Variants in FSCN1 observed in about 807,000 individuals in gnomAD.
FSCN1 encodes the protein fascin actin-bundling protein 1.
Under a neutral mutation model 39.7 loss-of-function variants are expected in FSCN1, and 10 were observed. That is an observed-to-expected ratio of 0.25 (90% confidence interval 0.16 to 0.43). FSCN1 has a LOEUF of 0.43. Among genes scored for constraint, FSCN1 ranks in the 20% least tolerant of loss-of-function variants. FSCN1 has a pLI of 1.00. For missense variants in FSCN1, 525 were observed against 723.8 expected (o/e 0.73, Z 3.15); for synonymous variants, 322 against 320.0 (o/e 1.01, Z -0.07).
chr7:5,593,041 G>T lies in FSCN1; in HGVS notation c.105G>T (p.Ala35=). The T allele has an allele frequency of 6.2e-7, 1 of 1,600,272 alleles. No individual in the cohort carries two copies. Among genetic ancestry groups the T allele is most frequent in the Non-Finnish European group, 8.5e-7 (1 of 1,174,218 alleles). The change falls in exon 1 of 5, where the codon GCG becomes GCT. Residue 35 remains alanine, a synonymous_variant. Transcript: ENST00000382361. The part of the protein sequence containing the change: ...TAEAFGFKVN[A]SASSLKKKQI... ...AGGCGTTCGGGTTCAAGGTGAACGC[G>T]TCCGCCAGCAGCCTGAAGAAGAAGC... is the stretch of plus-strand genomic sequence containing the variant.
At position 5,593,247 on chromosome 7, in the gene FSCN1, A is replaced by G. The variant is rs1380472626; in HGVS notation, c.311A>G (p.Gln104Arg). 4 of 1,608,844 alleles carry G rather than the reference A, an allele frequency of 2.5e-6. No individual in the cohort carries two copies. The Admixed American group carries it at 5.0e-5, about 20-fold the overall frequency. Residue 104 changes from glutamine to arginine, a missense_variant, in exon 1 of 5, where the codon CAG (glutamine) becomes CGG (arginine). Physicochemically the swap from Gln to Arg is conservative, Grantham distance 43. Coordinates refer to ENST00000382361, the MANE Select transcript of FSCN1 (RefSeq NM_003088.4). Reference protein sequence around the residue: ...VAHDDGRWSLQSEAHRRYFGG... With the variant: ...VAHDDGRWSLRSEAHRRYFGG... ...CACGACGACGGTCGCTGGTCGCTGC[A>G]GTCCGAGGCGCACCGGCGCTACTTC...
chr7:5,596,016 G>A (rs2128548833), intron 1 of FSCN1, among the ~76,000 whole-genome samples: 1 of 151,756 alleles, frequency 6.6e-6, no homozygotes, highest in Middle Eastern at 3.4e-3. Context: ...AGTTGAAAGG[G>A]ATGTGGGACG....
In FSCN1 at chr7:5,592,916, G is replaced by T. The variant is rs1335673604; in HGVS notation, c.-21G>T. 7.0e-7 allele frequency: 1 copy of T among 1,431,958 alleles called. No individual in the cohort carries two copies. The highest frequency in any genetic ancestry group is 2.6e-5 in the East Asian group (1 of 38,914). 88.7% of individuals were successfully genotyped at this position (1,431,958 alleles called of 1,614,324 possible). On this transcript the variant is annotated 5_prime_UTR_variant, in exon 1 of 5. Coordinates refer to ENST00000382361, the MANE Select transcript of FSCN1 (RefSeq NM_003088.4). This position sits in a 1 kb window ranked among gnomAD's most constrained non-coding sequence, Gnocchi z 5.3. ...CACCCACCTCCCGGGGCCGCGCAGCGGCCTCTCGTCTACTGCCACCATGAC... is the reference window on the plus strand; with the variant it reads ...CACCCACCTCCCGGGGCCGCGCAGCTGCCTCTCGTCTACTGCCACCATGAC...
intron 4 of FSCN1, 65 bp downstream of exon 4, chr7:5,604,095 C>CA: frequency 6.8e-7 from 1 of 1,474,144 alleles, no homozygotes. Flanking sequence ...GTCAGTGCTG[C>CA]GGGGAGCGCC....
Position 5,603,727 on chromosome 7 carries a change from C to T in FSCN1, c.1111+110C>T. On this transcript the variant is annotated intron_variant, in intron 3 of 4. Transcript: ENST00000382361. This position sits in a 1 kb window ranked among gnomAD's most constrained non-coding sequence, Gnocchi z 8.5. ...AAGGCCTGCTCTGTGCTGGGCATCC[C>T]CCCGGACTGGCCCCGCACTGTCCTA... The T allele has an allele frequency of 1.3e-6, 2 of 1,536,124 alleles. No homozygotes were observed. Among genetic ancestry groups the T allele is most frequent in the African/African-American group, 1.4e-5 (1 of 73,230 alleles).
intron 1 of FSCN1, among the ~76,000 whole-genome samples, chr7:5,601,964 T>C (rs1372043082): frequency 2.0e-5 from 3 of 151,974 alleles, no homozygotes; most frequent in Non-Finnish European, 4.4e-5. Context: ...AATTTTTTTT[T>C]TTTTTTTGAG....
Position 5,593,620 on chromosome 7 carries a change from C to G in FSCN1, c.684C>G (p.Gly228=), listed in dbSNP as rs763252226. The G allele has an allele frequency of 4.2e-5, 66 of 1,562,694 alleles. No homozygotes were observed. The highest frequency in any genetic ancestry group is 5.3e-5 in the Non-Finnish European group (62 of 1,161,314). ...AGGTGGCCTTCCGCGACTGCGAGGGCCGTTACCTGGCGCCGTCGGGGCCCA... is the reference window on the plus strand; with the variant it reads ...AGGTGGCCTTCCGCGACTGCGAGGGGCGTTACCTGGCGCCGTCGGGGCCCA... ...SGKVAFRDCE[G]RYLAPSGPSG... Residue 228 remains glycine (G), a synonymous_variant, in exon 1 of 5, where the codon GGC becomes GGG. Transcript: ENST00000382361.
intron 1 of FSCN1, among the ~76,000 whole-genome samples, chr7:5,597,878 C>A (rs1212250237): frequency 1.3e-5 from 2 of 152,096 alleles, no homozygotes; most frequent in African/African-American, 4.8e-5. Context: ...ACAGGAGACT[C>A]TTAATCTCCT....
Position 5,603,744 on chromosome 7 carries a change from A to G in FSCN1, c.1112-119A>G. Reference sequence around the variant, plus strand: ...GGGCATCCCCCCGGACTGGCCCCGCACTGTCCTACCCTGGGGACTGCTGTG... The same window carrying G: ...GGGCATCCCCCCGGACTGGCCCCGCGCTGTCCTACCCTGGGGACTGCTGTG... On this transcript the variant is annotated intron_variant, in intron 3 of 4. Transcript: ENST00000382361. The surrounding 1 kb of genome is among the most constrained non-coding windows in gnomAD (Gnocchi z 8.5). 6.7e-7 allele frequency: 1 copy of G among 1,501,280 alleles called. No homozygotes were observed. The highest frequency in any genetic ancestry group is 9.1e-7 in the Non-Finnish European group (1 of 1,096,990). The allele number at this position is 1,501,280 out of a possible 1,614,324, so 93.0% of individuals were successfully genotyped here. A position where few individuals can be genotyped will look rare whatever the true frequency, so the allele number is the denominator to read the frequency against.
rs994874317 is a variant in FSCN1, at chr7:5,592,871, G to T, written c.-66G>T. 3 of 978,824 alleles carry T rather than the reference G, an allele frequency of 3.1e-6. No homozygotes were observed. The highest frequency in any genetic ancestry group is 4.4e-6 in the Non-Finnish European group (3 of 675,382). The allele number at this position is 978,824 out of a possible 1,614,324, so 60.6% of individuals were successfully genotyped here. A position where few individuals can be genotyped will look rare whatever the true frequency, so the allele number is the denominator to read the frequency against. ...GCGGCAGCCGAACAAAGGAGCAGGG[G>T]CGCCGCCGCAGGGACCCGCCACCCA... is the stretch of plus-strand genomic sequence containing the variant. On this transcript the variant is annotated 5_prime_UTR_variant, in exon 1 of 5. Coordinates refer to ENST00000382361, the MANE Select transcript of FSCN1 (RefSeq NM_003088.4). The surrounding 1 kb of genome is among the most constrained non-coding windows in gnomAD (Gnocchi z 5.3).
rs1332339179 is a variant in FSCN1, at chr7:5,599,120, A to T, written c.833-4137A>T. Among the ~76,000 whole-genome samples, 1 of 290 alleles carries T rather than the reference A, an allele frequency of 3.4e-3. No individual in the cohort carries two copies. The highest frequency in any genetic ancestry group is 0.01 in the African/African-American group (1 of 100). The allele number at this position is 290 out of a possible 152,430, so 0.2% of individuals were successfully genotyped here. ...GGTGTGGCCTTAGGATGGTCCCGGCACCCTGGGACCCAGCCCCTGCTCACC... is the reference window on the plus strand; with the variant it reads ...GGTGTGGCCTTAGGATGGTCCCGGCTCCCTGGGACCCAGCCCCTGCTCACC... On this transcript the variant is annotated intron_variant, in intron 1 of 4. Transcript: ENST00000382361. This position sits in a 1 kb window ranked among gnomAD's most constrained non-coding sequence, Gnocchi z 5.6.
Position 5,603,243 on chromosome 7 carries a change from C to T in FSCN1, c.833-14C>T. The T allele has an allele frequency of 1.2e-6, 2 of 1,611,374 alleles. No homozygotes were observed. The highest frequency in any genetic ancestry group is 1.1e-5 in the South Asian group (1 of 90,992). On this transcript the variant is annotated splice_polypyrimidine_tract_variant and intron_variant, in intron 1 of 4. Transcript: ENST00000382361. This position sits in a 1 kb window ranked among gnomAD's most constrained non-coding sequence, Gnocchi z 8.5. Reference sequence around the variant, plus strand: ...GTGGGGCCCCAGTACCAGCCCAAGGCCTCCTCTCTGCAGGTATGGACCTGT... The same window carrying T: ...GTGGGGCCCCAGTACCAGCCCAAGGTCTCCTCTCTGCAGGTATGGACCTGT...
chr7:5,596,571 C>A (rs1307377651), intron 1 of FSCN1, among the ~76,000 whole-genome samples: 1 of 152,044 alleles, frequency 6.6e-6, no homozygotes, highest in African/African-American at 2.4e-5. Flanking sequence ...CTGGGCCATG[C>A]CTCACCACAC....
chr7:5,600,606 G>C (rs1249815256), intron 1 of FSCN1, among the ~76,000 whole-genome samples: 4 of 147,342 alleles, frequency 2.7e-5, no homozygotes, highest in African/African-American at 1.0e-4. Context: ...ATTCTCCTGC[G>C]TCAGCCTCCC....
At chr7:5,596,281 G>T (rs917888310) in intron 1 of FSCN1, among the ~76,000 whole-genome samples, 2 of 152,166 alleles carry the variant, frequency 1.3e-5, no homozygotes, top group Non-Finnish European at 2.9e-5. Context: ...TAGCTGGCAG[G>T]GGGGATGTGA....
At chr7:5,602,313 A>G (rs1254147127) in intron 1 of FSCN1, among the ~76,000 whole-genome samples, 1 of 151,738 alleles carries the variant, frequency 6.6e-6, no homozygotes, top group Non-Finnish European at 1.5e-5. Flanking sequence ...CTGGGATTGC[A>G]GGAGATATGA....
At chr7:5,601,257 C>T (rs1311928595) in intron 1 of FSCN1, among the ~76,000 whole-genome samples, 2 of 131,468 alleles carry the variant, frequency 1.5e-5, no homozygotes, top group Admixed American at 9.3e-5. Flanking sequence ...GGCTGGAGTG[C>T]AGTGGTGCAA....
At chr7:5,604,896 C>T (rs1246868014) in intron 4 of FSCN1, among the ~76,000 whole-genome samples, 1 of 152,100 alleles carries the variant, frequency 6.6e-6, no homozygotes, top group Non-Finnish European at 1.5e-5. Flanking sequence ...CTCAGCCTCC[C>T]ACAGTGCTGG....
rs1351830951 is a variant in FSCN1, at chr7:5,599,226, G to A, written c.833-4031G>A. On this transcript the variant is annotated intron_variant, in intron 1 of 4. Coordinates refer to ENST00000382361, the MANE Select transcript of FSCN1 (RefSeq NM_003088.4). The surrounding 1 kb of genome is among the most constrained non-coding windows in gnomAD (Gnocchi z 5.6). ...CGGTGGATGCTCGTCGGAGGGCAGA[G>A]GGTGGGCTACCGGCTTAAGGGGCCC... is the stretch of plus-strand genomic sequence containing the variant. 2.0e-5 allele frequency among the ~76,000 whole-genome samples: 3 copies of A among 152,152 alleles called. No homozygotes were observed. The highest frequency in any genetic ancestry group is 1.3e-4 in the Admixed American group (2 of 15,276).
Sources: allele counts gnomAD v4.1 joint callset (sites outside exome capture counted in the v4.1 genomes callset), GRCh38; gene constraint gnomAD v4.1.1; non-coding constraint Gnocchi (gnomAD v3.1); transcripts MANE v1.5; gene names NCBI Gene and HGNC (gene_info 2026-07-23, HGNC 2026-07-21).